Variants in DLC1 observed in about 807,000 individuals in gnomAD.
The protein encoded by DLC1 is DLC1 Rho GTPase activating protein, also known as rho GTPase-activating protein 7.
In DLC1, 54 loss-of-function variants were observed where a neutral mutation model predicts 140.3. That is an observed-to-expected ratio of 0.38 (90% CI 0.31 to 0.48). DLC1 has a LOEUF of 0.48. Among genes scored for constraint, DLC1 ranks in the 20% least tolerant of loss-of-function variants. The pLI is 0.96. For missense variants in DLC1, 2,536 were observed against 1,907.0 expected (o/e 1.33, Z -6.14); for synonymous variants, 986 against 728.1 (o/e 1.35, Z -5.70).
intron 1 of DLC1, among the ~76,000 whole-genome samples, chr8:13,520,070 C>T (rs187745896): frequency 9.4e-4 from 143 of 152,282 alleles, no homozygotes; most frequent in African/African-American, 3.4e-3. Flanking sequence ...TGTGGCGATT[C>T]CTCAAGGATC....
chr8:13,460,762 C>T (rs1283470194), intron 2 of DLC1, among the ~76,000 whole-genome samples: 8 of 152,228 alleles, frequency 5.3e-5, no homozygotes, highest in African/African-American at 1.7e-4. Context: ...GTGGGGCTTA[C>T]GTCTGATATT....
Position 13,317,320 on chromosome 8 carries a change from A to T in DLC1, c.1315-12018T>A, listed in dbSNP as rs967540182. Among the ~76,000 whole-genome samples, 5 of 152,218 alleles carry T rather than the reference A, an allele frequency of 3.3e-5. 1 individual carries two copies. Among genetic ancestry groups the T allele is most frequent in the South Asian group, 4.1e-4 (2 of 4,830 alleles). On this transcript the variant is annotated intron_variant, in intron 4 of 17. Coordinates refer to ENST00000276297, the MANE Select transcript of DLC1 (RefSeq NM_182643.3). The stretch of plus-strand genomic sequence containing the variant: ...TCCAGACTGAATTGCTTCAATACTA[A>T]TTTTTTCTAGAAAACCCATTAAATA...
At chr8:13,537,648 C>CTTTTTTTT (rs3066420) in intron 1 of DLC1, among the ~76,000 whole-genome samples, 63 of 90,358 alleles carry the variant, frequency 7.0e-4, no homozygotes, top group African/African-American at 2.6e-3. Context: ...ACAGCTAACT[C>CTTTTTTTT]TTTTTTTTTT....
intron 1 of DLC1, among the ~76,000 whole-genome samples, chr8:13,587,105 C>CACAT (rs879540746): frequency 2.7e-5 from 4 of 150,118 alleles, no homozygotes; most frequent in African/African-American, 7.4e-5. Context: ...CACACACACA[C>CACAT]ATTCATGCAT....
chr8:13,254,021 C>A (rs1830112791), intron 5 of DLC1, among the ~76,000 whole-genome samples: 1 of 151,928 alleles, frequency 6.6e-6, no homozygotes, highest in Non-Finnish European at 1.5e-5. Context: ...TCCAAAAATC[C>A]TTGAAGACAT....
Position 13,120,356 on chromosome 8 carries a change from A to AAAAAAAAAATAT in DLC1, c.1349-4700_1349-4699insATATTTTTTTTT. 3.9e-4 allele frequency among the ~76,000 whole-genome samples: 24 copies of AAAAAAAAAATAT among 61,120 alleles called. 1 individual carries two copies. The highest frequency in any genetic ancestry group is 9.6e-4 in the African/African-American group (23 of 24,040). The allele number at this position is 61,120 out of a possible 152,430, so 40.1% of individuals were successfully genotyped here. ...AGACTCCGTCGCAAAAAAAAAAAAA[A>AAAAAAAAAATAT]ATATATATATATATAAAATGTATAT... On this transcript the variant is annotated intron_variant, in intron 5 of 17. Transcript: ENST00000276297.
chr8:13,138,906 C>T (rs894924002), intron 5 of DLC1, among the ~76,000 whole-genome samples: 2 of 152,198 alleles, frequency 1.3e-5, no homozygotes, highest in African/African-American at 4.8e-5. Flanking sequence ...GTCTCTTCTT[C>T]ACTCAGACCT....
intron 2 of DLC1, among the ~76,000 whole-genome samples, chr8:13,422,245 A>G (rs552375556): frequency 6.6e-6 from 1 of 152,286 alleles, no homozygotes; most frequent in East Asian, 1.9e-4. Flanking sequence ...GTGTTTTCAA[A>G]AGATGAGGTT....
chr8:13,370,631 C>T (rs150667677), intron 4 of DLC1, among the ~76,000 whole-genome samples: 1 of 152,344 alleles, frequency 6.6e-6, no homozygotes, highest in Non-Finnish European at 1.5e-5. Flanking sequence ...GTAGGGCTGG[C>T]TTCAGGTGTG....
Position 13,417,109 on chromosome 8 carries a change from T to C in DLC1, c.1024-15490A>G, listed in dbSNP as rs978439304. Reference sequence around the variant, plus strand: ...TTATTTCTAATCAGATGACTTTAAATAGATCAAGCTGTACTAGACTAAAGC... The same window carrying C: ...TTATTTCTAATCAGATGACTTTAAACAGATCAAGCTGTACTAGACTAAAGC... On this transcript the variant is annotated intron_variant, in intron 2 of 17. Transcript: ENST00000276297. 3.3e-5 allele frequency among the ~76,000 whole-genome samples: 5 copies of C among 152,158 alleles called. No homozygotes were observed. The East Asian group carries it at 9.6e-4, about 29-fold the overall frequency.
chr8:13,493,800 A>G (rs1042869221), intron 2 of DLC1, among the ~76,000 whole-genome samples: 1 of 151,872 alleles, frequency 6.6e-6, no homozygotes, highest in Non-Finnish European at 1.5e-5. Flanking sequence ...TCTTTATGTC[A>G]CCCATTGGTC....
chr8:13,110,683 G>A (rs1428212731), intron 7 of DLC1, 59 bp downstream of exon 7: 1 of 1,482,684 alleles, frequency 6.7e-7, no homozygotes, highest in African/African-American at 1.4e-5. Context: ...CTATCTTTGT[G>A]AGAAGTACTG....
chr8:13,348,413 A>G (rs1834470954), intron 4 of DLC1, among the ~76,000 whole-genome samples: 1 of 152,206 alleles, frequency 6.6e-6, no homozygotes, highest in Admixed American at 6.5e-5. Flanking sequence ...ATAGGGTCCT[A>G]CTGAAATTTA....
At chr8:13,404,182 A>G (rs374747127) in intron 2 of DLC1, among the ~76,000 whole-genome samples, 70 of 152,280 alleles carry the variant, frequency 4.6e-4, no homozygotes, top group African/African-American at 1.6e-3. Context: ...TTTGGGGAGC[A>G]TATTTCTTAG....
At chr8:13,137,954 T>A (rs977707224) in intron 5 of DLC1, among the ~76,000 whole-genome samples, 3 of 152,156 alleles carry the variant, frequency 2.0e-5, no homozygotes, top group African/African-American at 7.2e-5. Flanking sequence ...TGTATTTGGA[T>A]GTTTTCCCAT....
chr8:13,458,732 C>A (rs79999369), intron 2 of DLC1, among the ~76,000 whole-genome samples: 2,650 of 152,056 alleles, frequency 0.017, 31 homozygotes, highest in South Asian at 0.065. Flanking sequence ...ATTTCTTTCC[C>A]TCAAAGCAGA....
intron 2 of DLC1, among the ~76,000 whole-genome samples, chr8:13,438,749 A>G (rs1839233701): frequency 6.6e-6 from 1 of 152,062 alleles, no homozygotes; most frequent in African/African-American, 2.4e-5. Flanking sequence ...CTCAAATGTC[A>G]TCTCTGTGCA....
At chr8:13,431,637 G>A (rs1271065940) in intron 2 of DLC1, among the ~76,000 whole-genome samples, 1 of 151,494 alleles carries the variant, frequency 6.6e-6, no homozygotes, top group African/African-American at 2.4e-5. Context: ...TGAAATTCAA[G>A]ACATACATCT....
intron 2 of DLC1, among the ~76,000 whole-genome samples, chr8:13,480,572 A>C (rs1007019117): frequency 6.6e-6 from 1 of 152,196 alleles, no homozygotes; most frequent in African/African-American, 2.4e-5. Context: ...CAGAATGATA[A>C]TAGTCATTAG....
Sources: allele counts gnomAD v4.1 joint callset (sites outside exome capture counted in the v4.1 genomes callset), GRCh38; gene constraint gnomAD v4.1.1; transcripts MANE v1.5; gene names NCBI Gene and HGNC (gene_info 2026-07-23, HGNC 2026-07-21).